Variants in IGSF21 observed in about 807,000 individuals in gnomAD.
IGSF21 encodes immunoglobin superfamily member 21, also known as immunoglobulin superfamily member 21.
A neutral mutation model predicts 46.8 loss-of-function variants in IGSF21; 28 were observed. The ratio of observed to expected loss-of-function variants is 0.60; its 90% CI spans 0.44 to 0.82. The LOEUF is 0.82. Among genes scored for constraint, IGSF21 ranks in the 40% least tolerant of loss-of-function variants. IGSF21 has a pLI of 0.00. For missense variants in IGSF21, 624 were observed against 665.5 expected (o/e 0.94, Z 0.69); for synonymous variants, 284 against 273.6 (o/e 1.04, Z -0.38).
chr1:18,336,601 G>C (rs1004872009), intron 4 of IGSF21, among the ~76,000 whole-genome samples: 2 of 152,174 alleles, frequency 1.3e-5, no homozygotes, highest in Non-Finnish European at 2.9e-5. Flanking sequence ...ACTGCGCTAA[G>C]GCCTCAATCT....
chr1:18,178,342 C>A (rs145248309), intron 1 of IGSF21, among the ~76,000 whole-genome samples: 3 of 152,098 alleles, frequency 2.0e-5, no homozygotes, highest in East Asian at 1.9e-4. Context: ...CCTTGGCCAC[C>A]GAAAGGGAGA....
chr1:18,308,629 A>G (rs1557636848), intron 3 of IGSF21, among the ~76,000 whole-genome samples: 1 of 152,196 alleles, frequency 6.6e-6, no homozygotes, highest in Non-Finnish European at 1.5e-5. Context: ...TACAGTGTGC[A>G]AGCTCCAGAA....
chr1:18,277,713 G>A (rs1333255868), intron 2 of IGSF21, among the ~76,000 whole-genome samples: 1 of 152,162 alleles, frequency 6.6e-6, no homozygotes, highest in Non-Finnish European at 1.5e-5. Flanking sequence ...AATAAACCAT[G>A]GTACACACAC....
intron 4 of IGSF21, among the ~76,000 whole-genome samples, chr1:18,338,449 G>T (rs2085794176): frequency 6.6e-6 from 1 of 152,122 alleles, no homozygotes; most frequent in Non-Finnish European, 1.5e-5. Flanking sequence ...CCAAACTGGG[G>T]CAAGACAGAC....
intron 2 of IGSF21, among the ~76,000 whole-genome samples, chr1:18,236,077 G>A (rs970349523): frequency 6.6e-6 from 1 of 151,400 alleles, no homozygotes; most frequent in Admixed American, 6.6e-5. Flanking sequence ...AGACAGGGAG[G>A]ACAGGACAGG....
At chr1:18,268,382 C>G (rs573907304) in intron 2 of IGSF21, among the ~76,000 whole-genome samples, 1 of 152,326 alleles carries the variant, frequency 6.6e-6, no homozygotes, top group South Asian at 2.1e-4. Flanking sequence ...TAGCCTGCAC[C>G]ATCAGCTAGG....
chr1:18,268,541 G>A (rs906807705), intron 2 of IGSF21, among the ~76,000 whole-genome samples: 2 of 152,308 alleles, frequency 1.3e-5, no homozygotes, highest in African/African-American at 2.4e-5. Context: ...GCTTACATGT[G>A]ATATGTCTGG....
intron 1 of IGSF21, among the ~76,000 whole-genome samples, chr1:18,123,685 A>T (rs937929147): frequency 6.6e-6 from 1 of 152,058 alleles, no homozygotes; most frequent in Admixed American, 6.5e-5. Flanking sequence ...TTGCCAAGTA[A>T]AGAAGGGAGT....
At chr1:18,134,676 C>A (rs2086353232) in intron 1 of IGSF21, among the ~76,000 whole-genome samples, 1 of 152,174 alleles carries the variant, frequency 6.6e-6, no homozygotes, top group East Asian at 1.9e-4. Context: ...ACAGCACCCA[C>A]CACAAAGACC....
chr1:18,158,239 A>G (rs546657654), intron 1 of IGSF21, among the ~76,000 whole-genome samples: 2 of 152,092 alleles, frequency 1.3e-5, no homozygotes, highest in Non-Finnish European at 2.9e-5. Context: ...CACATCCTGC[A>G]CAGGACTCAC....
intron 6 of IGSF21, among the ~76,000 whole-genome samples, chr1:18,366,204 C>T (rs2086163350): frequency 6.6e-6 from 1 of 152,108 alleles, no homozygotes; most frequent in Admixed American, 6.6e-5. Context: ...GAGAAATATG[C>T]TGGATTGGTG....
chr1:18,150,607 A>G (rs60465427), intron 1 of IGSF21, among the ~76,000 whole-genome samples: 155 of 152,302 alleles, frequency 1.0e-3, no homozygotes, highest in African/African-American at 3.7e-3. Flanking sequence ...CGGTAACTTC[A>G]TACCTACTTC....
In IGSF21 at chr1:18,253,256, G is replaced by T. The variant is rs74537144; in HGVS notation, c.183+25246G>T. 3.2e-3 allele frequency among the ~76,000 whole-genome samples: 490 copies of T among 152,282 alleles called. 6 individuals carry two copies. The highest frequency in any genetic ancestry group is 0.011 in the African/African-American group (467 of 41,562). ...CTTGGCACCTTGCCCAGAGGGCCAG[G>T]GGGGGCCTCAGCAAACCCAAACTTT... On this transcript the variant is annotated intron_variant, in intron 2 of 9. Coordinates refer to ENST00000251296, the MANE Select transcript of IGSF21 (RefSeq NM_032880.5).
intron 1 of IGSF21, among the ~76,000 whole-genome samples, chr1:18,152,676 C>T (rs934953463): frequency 6.6e-6 from 1 of 152,146 alleles, no homozygotes; most frequent in Non-Finnish European, 1.5e-5. Context: ...AGCTCCATCA[C>T]TATGGAGCTT....
intron 1 of IGSF21, among the ~76,000 whole-genome samples, chr1:18,179,901 C>A (rs1329042638): frequency 1.3e-5 from 2 of 152,208 alleles, no homozygotes; most frequent in African/African-American, 2.4e-5. Context: ...CCTTGGCATT[C>A]TTCAAAAGCC....
chr1:18,137,365 T>C (rs57934214), intron 1 of IGSF21, among the ~76,000 whole-genome samples: 7,230 of 152,244 alleles, frequency 0.047, 591 homozygotes, highest in African/African-American at 0.16. Context: ...TGCATTTCAA[T>C]AGGAGATTTA....
Position 18,200,937 on chromosome 1 carries a change from C to T in IGSF21, c.71-26961C>T, listed in dbSNP as rs368656385. ...CACCTTTGCTCTTCTGCTGCGCTAT[C>T]CTGTTCTGTGCTAGGGATGGATGTA... On this transcript the variant is annotated intron_variant, in intron 1 of 9. Transcript: ENST00000251296. Among the ~76,000 whole-genome samples the T allele has an allele frequency of 2.6e-5, 4 of 152,126 alleles. No individual in the cohort carries two copies. In the East Asian group the frequency reaches 5.8e-4, roughly 22 times the overall value.
At chr1:18,132,178 TG>T (rs2086327579) in intron 1 of IGSF21, among the ~76,000 whole-genome samples, 1 of 151,690 alleles carries the variant, frequency 6.6e-6, no homozygotes, top group South Asian at 2.1e-4. Context: ...AATGGATGGA[TG>T]GATGGATGGA....
rs995986180 is a variant in IGSF21 at position 18,335,681 on chromosome 1, C to T, written c.424+671C>T. Among the ~76,000 whole-genome samples, 2 of 152,168 alleles carry T rather than the reference C, an allele frequency of 1.3e-5. No homozygotes were observed. The highest frequency in any genetic ancestry group is 2.9e-5 in the Non-Finnish European group (2 of 68,034). On this transcript the variant is annotated intron_variant, in intron 4 of 9. Transcript: ENST00000251296. The surrounding 1 kb of genome is among the most constrained non-coding windows in gnomAD (Gnocchi z 4.8). Reference sequence around the variant, plus strand: ...TATTGCAAGGATGCTGGGGACTTGGCCTTGACTCCAGACTCTGTGTTCTCC... The same window carrying T: ...TATTGCAAGGATGCTGGGGACTTGGTCTTGACTCCAGACTCTGTGTTCTCC...
Sources: gnomAD v4.1 joint callset for allele counts (sites outside exome capture counted in the v4.1 genomes callset) on GRCh38, gnomAD v4.1.1 for gene constraint, Gnocchi (gnomAD v3.1) non-coding constraint, MANE v1.5 for transcripts, NCBI Gene and HGNC (gene_info 2026-07-23, HGNC 2026-07-21) for gene names.